IL16: variants seen among roughly 807,000 people sequenced by gnomAD.
IL16 encodes pro-interleukin-16.
A neutral mutation model predicts 110.1 loss-of-function variants in IL16; 67 were observed. The ratio of observed to expected loss-of-function variants is 0.61; its 90% CI spans 0.50 to 0.75. The LOEUF (loss-of-function observed/expected upper bound fraction) is 0.75, where lower values mean the gene tolerates loss of function less well. Among genes scored for constraint, IL16 ranks in the 30% least tolerant of loss-of-function variants. IL16 has a pLI of 0.00. For synonymous variants in IL16, 689 were observed against 662.9 expected (o/e 1.04, Z -0.61); for missense variants, 1,545 against 1,655.0 (o/e 0.93, Z 1.15).
chr15:81,231,639 C>G (rs1231023831), intron 2 of IL16, among the ~76,000 whole-genome samples: 1 of 152,196 alleles, frequency 6.6e-6, no homozygotes, highest in Non-Finnish European at 1.5e-5. Flanking sequence ...TCCCACAGTG[C>G]TGGGATTACA....
intron 9 of IL16, among the ~76,000 whole-genome samples, chr15:81,284,896 C>T (rs1452063489): frequency 6.6e-6 from 1 of 152,144 alleles, no homozygotes; most frequent in Non-Finnish European, 1.5e-5. Flanking sequence ...GACAGTATGG[C>T]AAAGCATGCA....
At chr15:81,283,689 A>G (rs68081678) in intron 9 of IL16, among the ~76,000 whole-genome samples, 27,858 of 152,214 alleles carry the variant, frequency 0.18, 2,732 homozygotes, top group Middle Eastern at 0.25. Context: ...TGAATTCTAT[A>G]TGGAAATGGT....
At chr15:81,200,848 C>T (rs77480863) in intron 1 of IL16, among the ~76,000 whole-genome samples, 5,197 of 152,246 alleles carry the variant, frequency 0.034, 260 homozygotes, top group East Asian at 0.26. Flanking sequence ...CAGCCATAAG[C>T]TCATCTGTCT....
chr15:81,305,413 CA>C lies in IL16; in HGVS notation c.3421-493del, dbSNP rs1900498698. ...GTGTGGTGGCTCATACCTGTAATTC[CA>C]ACACTGTGCGGGGCCAAGGTGAGAG... On this transcript the variant is annotated intron_variant, in intron 16 of 18. Coordinates refer to ENST00000683961, the MANE Select transcript of IL16 (RefSeq NM_172217.5). 3.9e-5 allele frequency among the ~76,000 whole-genome samples: 6 copies of C among 152,198 alleles called. No homozygotes were observed. The South Asian group carries it at 1.2e-3, about 32-fold the overall frequency.
chr15:81,216,073 G>A (rs1896418366), intron 1 of IL16, among the ~76,000 whole-genome samples: 1 of 152,188 alleles, frequency 6.6e-6, no homozygotes, highest in South Asian at 2.1e-4. Context: ...CATTCCCAGG[G>A]AAGCCAGCCC....
intron 2 of IL16, among the ~76,000 whole-genome samples, chr15:81,233,384 A>AT (rs1897074979): frequency 6.6e-6 from 1 of 151,046 alleles, no homozygotes; most frequent in Non-Finnish European, 1.5e-5. Context: ...TATACTTGTT[A>AT]TTTTTTAGGC....
At position 81,273,143 on chromosome 15, in the gene IL16, G is replaced by A. The variant is rs1362930881; in HGVS notation, c.729G>A (p.Gly243=). 6.2e-7 allele frequency: 1 copy of A among 1,613,838 alleles called. No individual in the cohort carries two copies. Among genetic ancestry groups the A allele is most frequent in the South Asian group, 1.1e-5 (1 of 91,042 alleles). The change falls in exon 6 of 19, where the codon GGG becomes GGA. Residue 243 remains glycine, a synonymous_variant. Transcript: ENST00000683961. ...GGKDSIYGPI[G]IYVKTIFAGG... ...AAGACAGCATTTATGGCCCCATTGG[G>A]ATTTACGTCAAAACCATTTTTGCAG...
At chr15:81,308,480 A>T in intron 18 of IL16, 125 bp from the exon 19 acceptor site, 1 of 670,430 alleles carries the variant, frequency 1.5e-6, no homozygotes. Context: ...CCAACAAGCA[A>T]GCTCCCAAGG....
chr15:81,197,422 C>T lies in IL16; in HGVS notation c.-102+270C>T, dbSNP rs933186645. 9.9e-5 allele frequency among the ~76,000 whole-genome samples: 15 copies of T among 152,070 alleles called. No individual in the cohort carries two copies. The East Asian group carries it at 2.3e-3, about 24-fold the overall frequency. ...TATCGCTTGACCTGGCTCTGCAGCA[C>T]GGGGAGAATTTGGTCCTGAGATTTC... On this transcript the variant is annotated intron_variant, in intron 1 of 18. Coordinates refer to ENST00000683961, the MANE Select transcript of IL16 (RefSeq NM_172217.5).
chr15:81,284,735 A>G (rs1899360823), intron 9 of IL16, among the ~76,000 whole-genome samples: 2 of 152,222 alleles, frequency 1.3e-5, no homozygotes, highest in South Asian at 4.1e-4. Context: ...GGGGTCTGCA[A>G]ACTGGGGCCT....
chr15:81,208,556 C>G (rs780652942), intron 1 of IL16, among the ~76,000 whole-genome samples: 1 of 152,192 alleles, frequency 6.6e-6, no homozygotes, highest in Non-Finnish European at 1.5e-5. Flanking sequence ...ATTCAAACTC[C>G]TGACCTCAAG....
At chr15:81,192,004 G>A (rs1416332497), upstream of IL16, among the ~76,000 whole-genome samples, 2 of 152,090 alleles carry the variant, frequency 1.3e-5, no homozygotes, top group Non-Finnish European at 2.9e-5. Context: ...GGCATTTTTG[G>A]GGCAGTAAAT....
At chr15:81,284,127 A>T (rs1462518927) in intron 9 of IL16, among the ~76,000 whole-genome samples, 1 of 152,206 alleles carries the variant, frequency 6.6e-6, no homozygotes, top group East Asian at 1.9e-4. Context: ...TTCTAAGAGA[A>T]GTTCAAATCT....
rs755916109 is a variant in IL16, at chr15:81,299,869, C to T, written c.2543C>T (p.Thr848Ile). ...SIRQRISSFE[T>I]FGSSQLPDKG... is the part of the protein sequence containing the mutation. ...AGGCAGAGAATCAGCTCCTTTGAAACCTTTGGCTCCTCTCAACTGCCTGAC... is the reference window on the plus strand; with the variant it reads ...AGGCAGAGAATCAGCTCCTTTGAAATCTTTGGCTCCTCTCAACTGCCTGAC... The change falls in exon 14 of 19, where the codon ACC becomes ATC. Residue 848 changes from threonine (T) to isoleucine (I), a missense_variant. By Grantham distance (89) the Thr-to-Ile change is moderately conservative (BLOSUM62 -1). Transcript: ENST00000683961. 7.4e-6 allele frequency: 12 copies of T among 1,613,700 alleles called. No individual in the cohort carries two copies. Among genetic ancestry groups the T allele is most frequent in the Non-Finnish European group, 8.5e-6 (10 of 1,180,002 alleles).
intron 3 of IL16, 99 bp from the exon 4 acceptor site, chr15:81,265,560 A>G: frequency 7.3e-7 from 1 of 1,369,406 alleles, no homozygotes; most frequent in East Asian, 2.4e-5. Flanking sequence ...TTACAGTCAC[A>G]CTGGCCCCTG....
At chr15:81,236,474 C>G (rs566721988) in intron 2 of IL16, among the ~76,000 whole-genome samples, 1 of 152,280 alleles carries the variant, frequency 6.6e-6, no homozygotes, top group South Asian at 2.1e-4. Flanking sequence ...GAGGGGCTGC[C>G]CACAGGTATG....
intron 18 of IL16, among the ~76,000 whole-genome samples, 186 bp from the exon 19 acceptor site, chr15:81,308,419 G>A (rs1481289500): frequency 2.0e-5 from 3 of 152,166 alleles, no homozygotes; most frequent in Non-Finnish European, 4.4e-5. Context: ...CTGGAGCCTG[G>A]TGCCCTAACC....
chr15:81,248,825 G>A (rs1382391376), intron 2 of IL16, among the ~76,000 whole-genome samples: 8 of 148,666 alleles, frequency 5.4e-5, no homozygotes, highest in Middle Eastern at 3.5e-3. Flanking sequence ...GGTTCAAGCC[G>A]TTCTCCTGCC....
intron 11 of IL16, among the ~76,000 whole-genome samples, chr15:81,291,628 C>A (rs1404284250): frequency 1.3e-5 from 2 of 152,054 alleles, no homozygotes; most frequent in African/African-American, 4.8e-5. Context: ...AGGAAAGGGG[C>A]ACCCTTGACA....
Sources: allele counts gnomAD v4.1 joint callset (sites outside exome capture counted in the v4.1 genomes callset), GRCh38; gene constraint gnomAD v4.1.1; transcripts MANE v1.5; gene names NCBI Gene and HGNC (gene_info 2026-07-23, HGNC 2026-07-21).